LRRC4C: variants seen among roughly 807,000 people sequenced by gnomAD.
LRRC4C encodes leucine rich repeat containing 4C, also known as leucine-rich repeat-containing protein 4C.
LRRC4C carries 5 observed loss-of-function variants against 33.6 expected under a neutral mutation model. The ratio of observed to expected loss-of-function variants is 0.15; its 90% CI spans 0.08 to 0.31. LRRC4C has a LOEUF of 0.31. LRRC4C is among the 10% of genes least tolerant of loss of function. LRRC4C has a pLI of 1.00. For missense variants in LRRC4C, 560 were observed against 796.7 expected (o/e 0.70, Z 3.58); for synonymous variants, 329 against 302.0 (o/e 1.09, Z -0.93).
intron 2 of LRRC4C, among the ~76,000 whole-genome samples, chr11:40,805,547 A>G (rs1951208785): frequency 6.6e-6 from 1 of 152,214 alleles, no homozygotes; most frequent in Non-Finnish European, 1.5e-5. Context: ...ACATATCTAT[A>G]CAAAATAAAT....
At chr11:40,502,906 T>C (rs758544918) in intron 3 of LRRC4C, among the ~76,000 whole-genome samples, 9 of 152,236 alleles carry the variant, frequency 5.9e-5, no homozygotes, top group Non-Finnish European at 1.3e-4. Flanking sequence ...AAGTGTCACT[T>C]GAAGCATTCT....
At chr11:40,496,439 T>C (rs2138573974) in intron 3 of LRRC4C, among the ~76,000 whole-genome samples, 1 of 152,340 alleles carries the variant, frequency 6.6e-6, no homozygotes, top group Non-Finnish European at 1.5e-5. Flanking sequence ...AGGTAGTTTA[T>C]TTTGTAAATA....
At chr11:40,353,285 C>T (rs1170144191) in intron 3 of LRRC4C, among the ~76,000 whole-genome samples, 2 of 151,774 alleles carry the variant, frequency 1.3e-5, no homozygotes, top group South Asian at 2.1e-4. Flanking sequence ...CTTCTTTTGT[C>T]TTCTCTGCTT....
chr11:40,316,153 T>C (rs1945562695), intron 4 of LRRC4C, among the ~76,000 whole-genome samples: 1 of 152,044 alleles, frequency 6.6e-6, no homozygotes, highest in South Asian at 2.1e-4. Flanking sequence ...GCAAATATTC[T>C]TTCAGTTCTC....
chr11:40,863,676 A>G (rs4378373), intron 2 of LRRC4C, among the ~76,000 whole-genome samples: 20,630 of 152,236 alleles, frequency 0.14, 1,447 homozygotes, highest in East Asian at 0.17. Flanking sequence ...GGAAATTAAA[A>G]GGCAAATCTG....
At chr11:40,433,520 G>A (rs1951019497) in intron 3 of LRRC4C, among the ~76,000 whole-genome samples, 1 of 152,056 alleles carries the variant, frequency 6.6e-6, no homozygotes, top group Non-Finnish European at 1.5e-5. Context: ...GAGGTGGGTT[G>A]AGAAGAGAGA....
chr11:40,457,808 A>G (rs1952207634), intron 3 of LRRC4C, among the ~76,000 whole-genome samples: 1 of 152,114 alleles, frequency 6.6e-6, no homozygotes. Flanking sequence ...TAAGTTGACT[A>G]TTTCTAAGAA....
chr11:40,307,032 T>C (rs963373980), intron 4 of LRRC4C, among the ~76,000 whole-genome samples: 1 of 149,730 alleles, frequency 6.7e-6, no homozygotes, highest in Non-Finnish European at 1.5e-5. Context: ...TATCTATCTA[T>C]ATACAATTTT....
rs550746848 is a variant in LRRC4C at position 40,428,757 on chromosome 11, C to T, written c.-269-109036G>A. On this transcript the variant is annotated intron_variant, in intron 3 of 6. Transcript: ENST00000528697. Reference sequence around the variant, plus strand: ...AATTAGTATAAACAGAAACTATTTTCCAGTGGTCTTGGTACAGTCAGCAGA... The same window carrying T: ...AATTAGTATAAACAGAAACTATTTTTCAGTGGTCTTGGTACAGTCAGCAGA... Among the ~76,000 whole-genome samples the T allele has an allele frequency of 2.2e-4, 33 of 152,238 alleles. No homozygotes were observed. In the East Asian group the frequency reaches 4.4e-3, roughly 20 times the overall value.
chr11:40,516,598 G>T (rs1955569819), intron 3 of LRRC4C, among the ~76,000 whole-genome samples: 1 of 152,028 alleles, frequency 6.6e-6, no homozygotes, highest in African/African-American at 2.4e-5. Flanking sequence ...CATGGCTAGG[G>T]AATATTTCCT....
intron 1 of LRRC4C, among the ~76,000 whole-genome samples, chr11:41,403,925 T>C (rs6485266): frequency 0.077 from 11,683 of 152,086 alleles, 1,463 homozygotes; most frequent in African/African-American, 0.26. Flanking sequence ...CGTGCACTTA[T>C]ACACACACCT....
intron 2 of LRRC4C, among the ~76,000 whole-genome samples, chr11:40,728,754 C>T (rs1947414439): frequency 6.6e-6 from 1 of 151,660 alleles, no homozygotes. Flanking sequence ...TGGATTAGAT[C>T]AAAGATCATA....
intron 3 of LRRC4C, among the ~76,000 whole-genome samples, chr11:40,580,606 C>T (rs1261843344): frequency 1.3e-5 from 2 of 151,994 alleles, no homozygotes; most frequent in Non-Finnish European, 2.9e-5. Context: ...ATGTGCTAAT[C>T]CTCTTCATAG....
intron 2 of LRRC4C, among the ~76,000 whole-genome samples, chr11:40,727,315 G>A (rs1254715563): frequency 6.6e-6 from 1 of 152,022 alleles, no homozygotes; most frequent in Non-Finnish European, 1.5e-5. Context: ...AAGCAATAGG[G>A]GAAGGAGTCC....
At chr11:40,282,873 T>A (rs1943573445) in intron 4 of LRRC4C, among the ~76,000 whole-genome samples, 1 of 152,264 alleles carries the variant, frequency 6.6e-6, no homozygotes, top group Non-Finnish European at 1.5e-5. Flanking sequence ...GGTGTTCACA[T>A]GTTGTCAAAA....
intron 3 of LRRC4C, among the ~76,000 whole-genome samples, chr11:40,363,583 G>C (rs1198813287): frequency 1.3e-5 from 2 of 151,944 alleles, no homozygotes; most frequent in East Asian, 1.9e-4. Flanking sequence ...AAAAAAAACT[G>C]TTTCAAGGAC....
At chr11:40,135,270 G>A (rs943565598) in intron 6 of LRRC4C, among the ~76,000 whole-genome samples, 1 of 152,150 alleles carries the variant, frequency 6.6e-6, no homozygotes, top group African/African-American at 2.4e-5. Flanking sequence ...ATTTACTTAA[G>A]GCAGTCCTCA....
chr11:40,787,445 A>G (rs939664715), intron 2 of LRRC4C, among the ~76,000 whole-genome samples: 3 of 152,102 alleles, frequency 2.0e-5, no homozygotes, highest in Non-Finnish European at 4.4e-5. Flanking sequence ...AACTGGTCCT[A>G]CTTCCGTTGC....
Position 41,424,027 on chromosome 11 carries a change from A to G in LRRC4C, c.-496+35404T>C, listed in dbSNP as rs186597843. 5 of 152,256 alleles carry G rather than the reference A, an allele frequency of 3.3e-5. No individual in the cohort carries two copies. The East Asian group carries it at 5.8e-4, about 18-fold the overall frequency. 9.4% of individuals were successfully genotyped at this position (152,256 alleles called of 1,614,324 possible). On this transcript the variant is annotated intron_variant, in intron 1 of 6. Transcript: ENST00000528697. Reference sequence around the variant, plus strand: ...TTTTGTAAATTTCCCAGTCTCTGGTATATCTTTATCAGCAGTGTCAAACCA... The same window carrying G: ...TTTTGTAAATTTCCCAGTCTCTGGTGTATCTTTATCAGCAGTGTCAAACCA...
Sources: allele counts gnomAD v4.1 joint callset (sites outside exome capture counted in the v4.1 genomes callset), GRCh38; gene constraint gnomAD v4.1.1; transcripts MANE v1.5; gene names NCBI Gene and HGNC (gene_info 2026-07-23, HGNC 2026-07-21).